Variants in CACNA1A observed in about 807,000 individuals in gnomAD.
CACNA1A encodes calcium voltage-gated channel subunit alpha1 A.
CACNA1A carries 57 observed loss-of-function variants against 262.4 expected under a neutral mutation model. The ratio of observed to expected loss-of-function variants is 0.22; its 90% CI spans 0.18 to 0.27. The LOEUF (loss-of-function observed/expected upper bound fraction) is 0.27. Ranked by LOEUF, CACNA1A falls within the 10% of genes least tolerant of loss-of-function variation. The probability of loss-of-function intolerance (pLI) is 1.00; values close to 1 mark genes in which losing one functional copy is unlikely to be tolerated. For missense variants in CACNA1A, 2,526 were observed against 3,562.8 expected (o/e 0.71, Z 7.41); for synonymous variants, 1,431 against 1,419.3 (o/e 1.01, Z -0.18).
chr19:13,209,518 G>C lies in CACNA1A; in HGVS notation c.6340-20C>G. The C allele has an allele frequency of 7.8e-7, 1 of 1,285,970 alleles. No individual in the cohort carries two copies. Among genetic ancestry groups the C allele is most frequent in the East Asian group, 3.0e-5 (1 of 33,478 alleles). 79.7% of individuals were successfully genotyped at this position (1,285,970 alleles called of 1,614,324 possible). A position where few individuals can be genotyped will look rare whatever the true frequency, so the allele number is the denominator to read the frequency against. ...GATGGTCTGGGGGAGGGGACAGGCC[G>C]GTGGGCTGGGGTCAGCAGCTAGCAC... On this transcript the variant is annotated intron_variant, in intron 44 of 46. Transcript: ENST00000360228.
chr19:13,244,992 C>T, intron 31 of CACNA1A, 190 bp downstream of exon 31: 1 of 596,838 alleles, frequency 1.7e-6, no homozygotes, highest in Non-Finnish European at 3.0e-6. Context: ...CCCCCATCTC[C>T]CCACAATGCC....
intron 10 of CACNA1A, among the ~76,000 whole-genome samples, chr19:13,328,713 A>G (rs1034854128): frequency 6.6e-6 from 1 of 152,174 alleles, no homozygotes; most frequent in Admixed American, 6.6e-5. Context: ...ACACCCTATA[A>G]TAGAGCTATG....
intron 10 of CACNA1A, among the ~76,000 whole-genome samples, chr19:13,319,374 T>G (rs1343009983): frequency 6.6e-6 from 1 of 152,226 alleles, no homozygotes; most frequent in Non-Finnish European, 1.5e-5. Flanking sequence ...TTCCTTTGTG[T>G]GTACATCATT....
intron 3 of CACNA1A, among the ~76,000 whole-genome samples, chr19:13,385,035 A>G (rs544395083): frequency 8.5e-5 from 13 of 152,228 alleles, no homozygotes; most frequent in African/African-American, 2.4e-4. Flanking sequence ...CTAGCCACAC[A>G]TGGCTATTTA....
At chr19:13,265,091 T>G (rs1380388923) in intron 24 of CACNA1A, among the ~76,000 whole-genome samples, 1 of 152,158 alleles carries the variant, frequency 6.6e-6, no homozygotes, top group African/African-American at 2.4e-5. Context: ...GCCAGGCTGG[T>G]CTCGAACTCC....
At chr19:13,361,053 G>C (rs2059102801) in intron 5 of CACNA1A, among the ~76,000 whole-genome samples, 1 of 152,118 alleles carries the variant, frequency 6.6e-6, no homozygotes, top group East Asian at 1.9e-4. Context: ...ACATCCATTA[G>C]GACAAATTTG....
chr19:13,468,656 G>A (rs2061297136), intron 1 of CACNA1A, among the ~76,000 whole-genome samples: 1 of 152,172 alleles, frequency 6.6e-6, no homozygotes, highest in Admixed American at 6.6e-5. Context: ...GCATGGTGGT[G>A]CGTGCTTGTA....
intron 31 of CACNA1A, among the ~76,000 whole-genome samples, chr19:13,242,301 CTTTTCT>C (rs2056101663): frequency 6.6e-6 from 1 of 151,982 alleles, no homozygotes. Context: ...CTTTTTCTTC[CTTTTCT>C]TTTTGAGACA....
At chr19:13,247,890 C>T (rs971041108) in intron 30 of CACNA1A, among the ~76,000 whole-genome samples, 9 of 152,184 alleles carry the variant, frequency 5.9e-5, no homozygotes, top group Admixed American at 6.5e-5. Flanking sequence ...AATAGCTCCC[C>T]TGGGAGTGGC....
At position 13,235,007 on chromosome 19, in the gene CACNA1A, C is replaced by T. The variant is rs776192705; in HGVS notation, c.5163G>A (p.Glu1721=). Residue 1721 remains glutamate (E), a synonymous_variant, in exon 34 of 47, where the codon GAG becomes GAA. Coordinates refer to ENST00000360228, the MANE Select transcript of CACNA1A (RefSeq NM_001127222.2). ...ACTCATCTTCATCACTGTCCTCGTC[C>T]TCCACGTCGATGCCAATGTTACCAA... is the stretch of plus-strand genomic sequence containing the variant. The part of the protein sequence containing the change: ...QVFGNIGIDV[E]DEDSDEDEFQ... The T allele has an allele frequency of 6.2e-7, 1 of 1,613,778 alleles. No individual in the cohort carries two copies. The highest frequency in any genetic ancestry group is 1.7e-5 in the Admixed American group (1 of 60,030).
intron 6 of CACNA1A, among the ~76,000 whole-genome samples, chr19:13,340,878 G>A (rs1466109733): frequency 6.6e-6 from 1 of 152,102 alleles, no homozygotes; most frequent in Non-Finnish European, 1.5e-5. Flanking sequence ...CATTAGGGTG[G>A]AACCTCATCC....
chr19:13,323,938 C>G (rs888913692), intron 10 of CACNA1A, among the ~76,000 whole-genome samples: 3 of 152,202 alleles, frequency 2.0e-5, no homozygotes, highest in Admixed American at 2.0e-4. Context: ...CATCTGCACT[C>G]CCACGTTCAC....
intron 34 of CACNA1A, among the ~76,000 whole-genome samples, chr19:13,232,254 TG>T (rs1280862525): frequency 6.6e-6 from 1 of 151,260 alleles, no homozygotes; most frequent in African/African-American, 2.4e-5. Flanking sequence ...TGGAGTGTAG[TG>T]GCACAATCAC....
Position 13,506,266 on chromosome 19 carries a change from G to A in CACNA1A, c.-42C>T. 2.2e-6 allele frequency: 3 copies of A among 1,394,254 alleles called. No individual in the cohort carries two copies. The highest frequency in any genetic ancestry group is 2.8e-6 in the Non-Finnish European group (3 of 1,085,608). The allele number at this position is 1,394,254 out of a possible 1,614,324, so 86.4% of individuals were successfully genotyped here. ...GGCTCCGGGTTACGCTGCGGCGAAC[G>A]ATGCGGAAGACGCCGCCGCCGCCGC... On this transcript the variant is annotated 5_prime_UTR_variant, in exon 1 of 47. Coordinates refer to ENST00000360228, the MANE Select transcript of CACNA1A (RefSeq NM_001127222.2).
At chr19:13,455,071 G>T in intron 2 of CACNA1A, 36 bp downstream of exon 2, 2 of 1,325,650 alleles carry the variant, frequency 1.5e-6, no homozygotes, top group Non-Finnish European at 2.2e-6. Context: ...TCCTGCTAAA[G>T]CCAAGGAGAA....
At chr19:13,455,057 A>T in intron 2 of CACNA1A, 50 bp downstream of exon 2, 1 of 1,148,312 alleles carries the variant, frequency 8.7e-7, no homozygotes, top group Non-Finnish European at 1.3e-6. Context: ...CCCAAAAATT[A>T]ATGTCCTGCT....
rs151191547 is a variant in CACNA1A at position 13,295,072 on chromosome 19, G to A, written c.3089+3472C>T. 1.0e-3 allele frequency among the ~76,000 whole-genome samples: 152 copies of A among 152,294 alleles called. No individual in the cohort carries two copies. The East Asian group carries it at 0.029, about 29-fold the overall frequency. ...CTGGAAACCTGCCCTGAGACCCTGGGAGCAGTTTCTTGGTCGTATTTCTCA... is the reference window on the plus strand; with the variant it reads ...CTGGAAACCTGCCCTGAGACCCTGGAAGCAGTTTCTTGGTCGTATTTCTCA... On this transcript the variant is annotated intron_variant, in intron 19 of 46. Coordinates refer to ENST00000360228, the MANE Select transcript of CACNA1A (RefSeq NM_001127222.2).
chr19:13,287,808 T>TTC (rs1283387362), intron 19 of CACNA1A, among the ~76,000 whole-genome samples: 1 of 151,278 alleles, frequency 6.6e-6, no homozygotes, highest in East Asian at 1.9e-4. Flanking sequence ...GGCCTCTTTT[T>TTC]TTTTTTTTTT....
chr19:13,433,629 T>A (rs754857194), intron 3 of CACNA1A, among the ~76,000 whole-genome samples: 1 of 151,880 alleles, frequency 6.6e-6, no homozygotes, highest in Non-Finnish European at 1.5e-5. Flanking sequence ...GGCTTTGGTG[T>A]CTCATCTGCT....
Sources: allele counts gnomAD v4.1 joint callset (sites outside exome capture counted in the v4.1 genomes callset), GRCh38; gene constraint gnomAD v4.1.1; transcripts MANE v1.5; gene names NCBI Gene and HGNC (gene_info 2026-07-23, HGNC 2026-07-21).